The following LRRC38 variants were observed in gnomAD, a reference collection of about 807,000 sequenced individuals.
LRRC38 encodes the protein leucine rich repeat containing 38.
A neutral mutation model predicts 16.4 loss-of-function variants in LRRC38; 5 were observed. The observed-to-expected ratio is 0.31, with a 90% CI of 0.16 to 0.64. The LOEUF is 0.64. LRRC38 is among the 30% of genes least tolerant of loss of function. The probability of loss-of-function intolerance (pLI) is 0.80; values close to 1 mark genes in which losing one functional copy is unlikely to be tolerated. For missense variants in LRRC38, 341 were observed against 401.8 expected, an observed-to-expected ratio of 0.85 and a Z score of 1.29; for synonymous variants, 191 against 190.2, an observed-to-expected ratio of 1.00 and a Z score of -0.04.
chr1:13,484,655 G>A (rs752070745), intron 1 of LRRC38, among the ~76,000 whole-genome samples: 2 of 152,230 alleles, frequency 1.3e-5, no homozygotes, highest in Non-Finnish European at 2.9e-5. Flanking sequence ...AGCTGTGTAT[G>A]TTTTCATGCT....
At chr1:13,489,815 C>T (rs912712203) in intron 1 of LRRC38, among the ~76,000 whole-genome samples, 1 of 152,084 alleles carries the variant, frequency 6.6e-6, no homozygotes, top group Non-Finnish European at 1.5e-5. Flanking sequence ...ATTAAACTCC[C>T]GTCTCGTCTC....
At chr1:13,483,731 A>G (rs1638895901) in intron 1 of LRRC38, among the ~76,000 whole-genome samples, 1 of 152,184 alleles carries the variant, frequency 6.6e-6, no homozygotes, top group Non-Finnish European at 1.5e-5. Flanking sequence ...TCGAGATGAT[A>G]CTGTGAACAT....
intron 1 of LRRC38, among the ~76,000 whole-genome samples, chr1:13,499,644 A>G (rs536527590): frequency 6.6e-6 from 1 of 152,310 alleles, no homozygotes; most frequent in African/African-American, 2.4e-5. Context: ...GGATTTAGGA[A>G]GTCAACAGGG....
chr1:13,497,431 T>C (rs944284162), intron 1 of LRRC38, among the ~76,000 whole-genome samples: 11 of 152,068 alleles, frequency 7.2e-5, no homozygotes, highest in African/African-American at 2.7e-4. Flanking sequence ...GCGTGGGAGC[T>C]TGTGGCTGAG....
chr1:13,478,367 T>G (rs1217940503), intron 1 of LRRC38, among the ~76,000 whole-genome samples: 1 of 152,230 alleles, frequency 6.6e-6, no homozygotes, highest in African/African-American at 2.4e-5. Context: ...ATGAGAAAAC[T>G]GAGAGCATGT....
At chr1:13,481,788 C>CCTCTCTCCCTCTCT (rs1557495325) in intron 1 of LRRC38, among the ~76,000 whole-genome samples, 1 of 34,464 alleles carries the variant, frequency 2.9e-5, no homozygotes, top group Non-Finnish European at 5.1e-5. Context: ...TCCCTCTCTC[C>CCTCTCTCCCTCTCT]CTCTCTCTCT....
chr1:13,488,032 T>TTGTGTGTGTTTTTGTGTG (rs1439386107), intron 1 of LRRC38, among the ~76,000 whole-genome samples: 15 of 147,206 alleles, frequency 1.0e-4, no homozygotes, highest in African/African-American at 3.6e-4. Flanking sequence ...TTGTGTGTGT[T>TTGTGTGTGTTTTTGTGTG]TGTGTGTGTG....
chr1:13,484,003 A>G (rs1638902046), intron 1 of LRRC38, among the ~76,000 whole-genome samples: 1 of 151,924 alleles, frequency 6.6e-6, no homozygotes, highest in Admixed American at 6.6e-5. Context: ...AGAGAGATTT[A>G]TTACAACTAC....
At chr1:13,494,110 T>C (rs1461114069) in intron 1 of LRRC38, among the ~76,000 whole-genome samples, 1 of 152,168 alleles carries the variant, frequency 6.6e-6, no homozygotes, top group East Asian at 1.9e-4. Flanking sequence ...AACTGGAAGA[T>C]AACAGATTTG....
intron 1 of LRRC38, among the ~76,000 whole-genome samples, chr1:13,505,904 G>A (rs1484158938): frequency 4.0e-5 from 5 of 123,582 alleles, no homozygotes; most frequent in Admixed American, 9.2e-5. Flanking sequence ...TGGGGAAGGG[G>A]CAGGGAGGGA....
chr1:13,491,998 G>T (rs776670697), intron 1 of LRRC38, among the ~76,000 whole-genome samples: 4 of 152,070 alleles, frequency 2.6e-5, no homozygotes, highest in Admixed American at 6.6e-5. Context: ...TTTTCAGGTG[G>T]AAAGTTTCTC....
chr1:13,512,663 G>A (rs2100530890), intron 1 of LRRC38, among the ~76,000 whole-genome samples: 1 of 152,240 alleles, frequency 6.6e-6, no homozygotes, highest in South Asian at 2.1e-4. Context: ...GCCAGTCCTA[G>A]GACCCAAAGC....
At chr1:13,477,598 G>A (rs918933094) in intron 1 of LRRC38, among the ~76,000 whole-genome samples, 3 of 152,134 alleles carry the variant, frequency 2.0e-5, no homozygotes, top group African/African-American at 7.2e-5. Flanking sequence ...AACACCTTGG[G>A]AGGCCAAGAT....
In LRRC38 at chr1:13,513,590, G is replaced by T. The variant is rs1019517470; in HGVS notation, c.4C>A (p.Arg2Ser). The change falls in exon 1 of 2, where the codon CGC (arginine) becomes AGC (serine). Residue 2 changes from arginine (R) to serine (S), a missense_variant. Arg to Ser is a moderately radical substitution (Grantham distance 110, BLOSUM62 -1). Transcript: ENST00000376085. ...GCGGCGCAGGCTGGGGCTCGGGGGC[G>T]CATGGCCGGGGGGCCCGCGCCGGCC... MRPRAPACAAAA... is the reference protein window; with the variant it reads MSPRAPACAAAA... The T allele has an allele frequency of 3.8e-5, 44 of 1,150,832 alleles. No homozygotes were observed. The highest frequency in any genetic ancestry group is 2.0e-4 in the African/African-American group (12 of 61,134). The allele number at this position is 1,150,832 out of a possible 1,614,324, so 71.3% of individuals were successfully genotyped here.
intron 1 of LRRC38, among the ~76,000 whole-genome samples, chr1:13,504,291 T>C (rs1639184025): frequency 6.6e-6 from 1 of 150,568 alleles, no homozygotes; most frequent in Non-Finnish European, 1.5e-5. Flanking sequence ...GACAGCTCAT[T>C]GGAAGCACAG....
At position 13,513,588 on chromosome 1, in the gene LRRC38, G is replaced by T; in HGVS notation, c.6C>A (p.Arg2=). The T allele has an allele frequency of 3.5e-6, 4 of 1,158,630 alleles. No individual in the cohort carries two copies. The South Asian group carries it at 1.7e-4, about 49-fold the overall frequency. The allele number at this position is 1,158,630 out of a possible 1,614,324, so 71.8% of individuals were successfully genotyped here. A position where few individuals can be genotyped will look rare whatever the true frequency, so the allele number is the denominator to read the frequency against. The part of the protein sequence containing the change: M[R]PRAPACAAAA... ...CGGCGGCGCAGGCTGGGGCTCGGGGGCGCATGGCCGGGGGGCCCGCGCCGG... is the reference window on the plus strand; with the variant it reads ...CGGCGGCGCAGGCTGGGGCTCGGGGTCGCATGGCCGGGGGGCCCGCGCCGG... The change falls in exon 1 of 2, where the codon CGC becomes CGA. Residue 2 remains arginine (R), a synonymous_variant. Coordinates refer to ENST00000376085, the MANE Select transcript of LRRC38 (RefSeq NM_001010847.2).
At chr1:13,495,607 GC>G (rs991716903) in intron 1 of LRRC38, among the ~76,000 whole-genome samples, 28 of 152,048 alleles carry the variant, frequency 1.8e-4, no homozygotes, top group African/African-American at 6.8e-4. Flanking sequence ...GGATAGGAAC[GC>G]CAGAAAGAAT....
At chr1:13,506,239 G>A (rs1270652911) in intron 1 of LRRC38, among the ~76,000 whole-genome samples, 8 of 152,068 alleles carry the variant, frequency 5.3e-5, no homozygotes, top group Admixed American at 1.3e-4. Flanking sequence ...GCAGGGAATG[G>A]GGAGGAAGAA....
chr1:13,484,501 G>A (rs1638908057), intron 1 of LRRC38, among the ~76,000 whole-genome samples: 1 of 152,186 alleles, frequency 6.6e-6, no homozygotes, highest in African/African-American at 2.4e-5. Flanking sequence ...CCACAAAGGG[G>A]TTCTGAAACC....
Sources: allele counts gnomAD v4.1 joint callset (sites outside exome capture counted in the v4.1 genomes callset), GRCh38; gene constraint gnomAD v4.1.1; transcripts MANE v1.5; gene names NCBI Gene and HGNC (gene_info 2026-07-23, HGNC 2026-07-21).